Variants in PSAP observed in about 807,000 individuals in gnomAD.
The protein encoded by PSAP is prosaposin.
A neutral mutation model predicts 66.0 loss-of-function variants in PSAP; 25 were observed. That is an observed-to-expected ratio of 0.38 (90% confidence interval 0.28 to 0.53). The LOEUF is 0.53. Ranked by LOEUF, PSAP falls within the 20% of genes least tolerant of loss-of-function variation. The probability of loss-of-function intolerance (pLI) is 0.83; values close to 1 mark genes in which losing one functional copy is unlikely to be tolerated. For synonymous variants in PSAP, 273 were observed against 258.9 expected, an observed-to-expected ratio of 1.05 and a Z score of -0.52; for missense variants, 649 against 668.8, an observed-to-expected ratio of 0.97 and a Z score of 0.33.
rs761256290 is a variant in PSAP, at chr10:71,834,251, G to A, written c.174+121C>T. ...GTCCTGCCTCCCACACAGAGTCACAGTGAGAAGTAAACAAAACAAGGCAAG... is the reference window on the plus strand; with the variant it reads ...GTCCTGCCTCCCACACAGAGTCACAATGAGAAGTAAACAAAACAAGGCAAG... On this transcript the variant is annotated intron_variant, in intron 2 of 13. Transcript: ENST00000394936. The A allele has an allele frequency of 1.0e-4, 152 of 1,496,548 alleles. 1 individual carries two copies. Among genetic ancestry groups the A allele is most frequent in the Non-Finnish European group, 1.4e-4 (149 of 1,095,942 alleles). The allele number at this position is 1,496,548 out of a possible 1,614,324, so 92.7% of individuals were successfully genotyped here. A position where few individuals can be genotyped will look rare whatever the true frequency, so the allele number is the denominator to read the frequency against.
At chr10:71,851,111 G>C (rs1477729153) in intron 1 of PSAP, 71 bp downstream of exon 1, 2 of 1,518,404 alleles carry the variant, frequency 1.3e-6, no homozygotes, top group Non-Finnish European at 1.8e-6. Flanking sequence ...GCCAGGCCCG[G>C]CACAGCCCAT....
In PSAP at chr10:71,831,149, G is replaced by A. The variant is rs1842504396; in HGVS notation, c.352C>T (p.Leu118=). The A allele has an allele frequency of 6.2e-7, 1 of 1,614,142 alleles. No homozygotes were observed. The highest frequency in any genetic ancestry group is 8.5e-7 in the Non-Finnish European group (1 of 1,180,012). Residue 118 remains leucine (L), a synonymous_variant, in exon 4 of 14, where the codon CTG becomes TTG. Transcript: ENST00000394936. ...ACCATTTCTCCTTTAATGATGTCCAGGATGACAGGGAGGTAGGAGTCCACT... is the reference window on the plus strand; with the variant it reads ...ACCATTTCTCCTTTAATGATGTCCAAGATGACAGGGAGGTAGGAGTCCACT... The part of the protein sequence containing the change: ...EIVDSYLPVI[L]DIIKGEMSRP...
rs187741173 is a variant in PSAP, at chr10:71,844,535, G to A, written c.40+6647C>T. Among the ~76,000 whole-genome samples, 505 of 152,152 alleles carry A rather than the reference G, an allele frequency of 3.3e-3. 3 individuals carry two copies. The highest frequency in any genetic ancestry group is 6.5e-3 in the Admixed American group (99 of 15,262). ...ACAAACGTTAGCCAGGCATGGTGGC[G>A]TGCACCCATAATCCCAGCTACTCGG... On this transcript the variant is annotated intron_variant, in intron 1 of 13. Transcript: ENST00000394936.
At position 71,851,225 on chromosome 10, in the gene PSAP, G is replaced by C. The variant is rs2070188; in HGVS notation, c.-4C>G. On this transcript the variant is annotated 5_prime_UTR_variant, in exon 1 of 14. Coordinates refer to ENST00000394936, the MANE Select transcript of PSAP (RefSeq NM_002778.4). ...CCAGGAGGAAGAGGGCGTACATAGC[G>C]CCGTCTGACTCCGCAGTCTGCAATG... 4 of 1,550,852 alleles carry C rather than the reference G, an allele frequency of 2.6e-6. No homozygotes were observed. Among genetic ancestry groups the C allele is most frequent in the Non-Finnish European group, 2.6e-6 (3 of 1,146,834 alleles).
At position 71,819,042 on chromosome 10, in the gene PSAP, AG is replaced by A. The variant is rs1436008939; in HGVS notation, c.1419del (p.Phe474SerfsTer4). The A allele has an allele frequency of 6.2e-7, 1 of 1,614,088 alleles. No homozygotes were observed. The highest frequency in any genetic ancestry group is 1.3e-5 in the African/African-American group (1 of 75,050). On this transcript the variant is annotated frameshift_variant, in exon 12 of 14. Coordinates refer to ENST00000394936, the MANE Select transcript of PSAP (RefSeq NM_002778.4). LOFTEE classifies it high-confidence loss of function. Reference protein sequence around the residue: ...IEILVEVMDPSFVCLKIGACP... With the variant: ...IEILVEVMDPXFVCLKIGACP... ...CCAGTGAGGCTCACCAAGCACACGA[AG>A]GAAGGATCCATCACCTCCACCAGGA...
chr10:71,841,895 A>C (rs1212609450), intron 1 of PSAP, among the ~76,000 whole-genome samples: 1 of 151,946 alleles, frequency 6.6e-6, no homozygotes, highest in Non-Finnish European at 1.5e-5. Flanking sequence ...GGTCCCAGCT[A>C]CTCAAGAGGC....
intron 8 of PSAP, among the ~76,000 whole-genome samples, chr10:71,821,083 C>A (rs950683336): frequency 3.9e-5 from 6 of 152,186 alleles, no homozygotes; most frequent in Admixed American, 3.9e-4. Context: ...TGAGGAGCAC[C>A]CGGTGGAGAG....
chr10:71,821,821 G>A, intron 8 of PSAP, 55 bp downstream of exon 8: 2 of 1,610,128 alleles, frequency 1.2e-6, no homozygotes, highest in Non-Finnish European at 1.7e-6. Flanking sequence ...TGACACAGCA[G>A]GGAGTAGTGT....
intron 9 of PSAP, 40 bp downstream of exon 9, chr10:71,820,200 G>T (rs1452859428): frequency 6.5e-7 from 1 of 1,534,560 alleles, no homozygotes; most frequent in African/African-American, 1.4e-5. Flanking sequence ...AGGCTCGGGG[G>T]GGCAGGAGAG....
At chr10:71,832,432 T>C (rs1224136606) in intron 2 of PSAP, among the ~76,000 whole-genome samples, 2 of 152,162 alleles carry the variant, frequency 1.3e-5, no homozygotes, top group East Asian at 1.9e-4. Context: ...CCAGAGGCCA[T>C]GGAAATTCTA....
intron 1 of PSAP, among the ~76,000 whole-genome samples, chr10:71,846,067 A>G (rs985828127): frequency 1.3e-5 from 2 of 152,224 alleles, no homozygotes; most frequent in Non-Finnish European, 2.9e-5. Flanking sequence ...TTGACAATAC[A>G]TTACTTTTAT....
chr10:71,828,656 A>C (rs570121733), intron 5 of PSAP, among the ~76,000 whole-genome samples: 10 of 152,054 alleles, frequency 6.6e-5, no homozygotes, highest in Admixed American at 1.3e-4. Context: ...AAAATAAAAG[A>C]AGTAAATTTT....
intron 1 of PSAP, among the ~76,000 whole-genome samples, chr10:71,848,459 CATTCCTTACA>C (rs1343788961): frequency 6.6e-6 from 1 of 152,198 alleles, no homozygotes; most frequent in Non-Finnish European, 1.5e-5. Flanking sequence ...TCCAGGTCTT[CATTCCTTACA>C]AAGGGGTCAG....
chr10:71,847,891 T>G (rs1439118375), intron 1 of PSAP, among the ~76,000 whole-genome samples: 1 of 152,148 alleles, frequency 6.6e-6, no homozygotes, highest in East Asian at 1.9e-4. Flanking sequence ...AGAATATATA[T>G]AACACCTTCT....
At chr10:71,829,117 C>T (rs151256110) in intron 4 of PSAP, 40 bp from the exon 5 acceptor site, 2 of 1,583,204 alleles carry the variant, frequency 1.3e-6, no homozygotes, top group East Asian at 4.5e-5. Flanking sequence ...AATCCTCTCC[C>T]CAGGGGAAAA....
rs1842350257 is a variant in PSAP at position 71,823,855 on chromosome 10, A to T, written c.778-1848T>A. ...GCAAAGTAACTAGAGGAAGCAGCAGACCACTACTGCAAGCAGATTCCCCGA... is the reference window on the plus strand; with the variant it reads ...GCAAAGTAACTAGAGGAAGCAGCAGTCCACTACTGCAAGCAGATTCCCCGA... On this transcript the variant is annotated intron_variant, in intron 7 of 13. Transcript: ENST00000394936. 5 of 1,286,162 alleles carry T rather than the reference A, an allele frequency of 3.9e-6. No homozygotes were observed. The African/African-American group carries it at 4.6e-5, about 12-fold the overall frequency. 79.7% of individuals were successfully genotyped at this position (1,286,162 alleles called of 1,614,324 possible).
At chr10:71,845,232 T>C (rs1027166196) in intron 1 of PSAP, among the ~76,000 whole-genome samples, 1 of 151,968 alleles carries the variant, frequency 6.6e-6, no homozygotes, top group African/African-American at 2.4e-5. Context: ...GTTTAAAATA[T>C]CCAAAACAAT....
rs377024801 is a variant in PSAP, at chr10:71,831,868, A to G, written c.227T>C (p.Met76Thr). 1.2e-5 allele frequency: 19 copies of G among 1,613,958 alleles called. No homozygotes were observed. Among genetic ancestry groups the G allele is most frequent in the Non-Finnish European group, 1.4e-5 (17 of 1,180,024 alleles). ...CACCTCAGTGGCATTGTCCTTCAGC[A>G]TATCACCAGCTGCGGTGACAACGTC... ...CKDVVTAAGD[M>T]LKDNATEEEI... The change falls in exon 3 of 14, where the codon ATG becomes ACG. Residue 76 changes from methionine (M) to threonine (T), a missense_variant. By Grantham distance (81) the Met-to-Thr change is moderately conservative. Transcript: ENST00000394936.
At chr10:71,818,591 G>A (rs1451983107) in intron 13 of PSAP, 26 bp downstream of exon 13, 1 of 1,589,628 alleles carries the variant, frequency 6.3e-7, no homozygotes, top group Admixed American at 1.7e-5. Context: ...AGACAGGCTG[G>A]TGACACTGTC....
Sources: gnomAD v4.1 joint callset for allele counts (sites outside exome capture counted in the v4.1 genomes callset) on GRCh38, gnomAD v4.1.1 for gene constraint, MANE v1.5 for transcripts, NCBI Gene and HGNC (gene_info 2026-07-23, HGNC 2026-07-21) for gene names.